The following GABBR2 variants were observed in gnomAD, a reference collection of about 807,000 sequenced individuals.
GABBR2 encodes G-protein coupled receptor 51.
GABBR2 carries 23 observed loss-of-function variants against 105.6 expected under a neutral mutation model. That is an observed-to-expected ratio of 0.22 (90% CI 0.16 to 0.31). The LOEUF (loss-of-function observed/expected upper bound fraction) is 0.31, where lower values mean the gene tolerates loss of function less well. Among genes scored for constraint, GABBR2 ranks in the 10% least tolerant of loss-of-function variants. GABBR2 has a pLI of 1.00. For missense variants in GABBR2, 734 were observed against 1,245.5 expected (o/e 0.59, Z 6.18); for synonymous variants, 478 against 499.7 (o/e 0.96, Z 0.58).
At chr9:98,395,721 A>T (rs1045901049) in intron 8 of GABBR2, among the ~76,000 whole-genome samples, 2 of 152,086 alleles carry the variant, frequency 1.3e-5, no homozygotes, top group African/African-American at 4.8e-5. Context: ...GGGTCTGAGG[A>T]TCTGGCATCT....
chr9:98,397,742 A>C (rs1832319970), intron 8 of GABBR2, among the ~76,000 whole-genome samples: 1 of 152,020 alleles, frequency 6.6e-6, no homozygotes, highest in Non-Finnish European at 1.5e-5. Context: ...TTCCCTGAGT[A>C]CTGTTCCTCC....
At chr9:98,678,874 T>C (rs1320743696) in intron 1 of GABBR2, among the ~76,000 whole-genome samples, 2 of 152,224 alleles carry the variant, frequency 1.3e-5, no homozygotes, top group Non-Finnish European at 2.9e-5. Context: ...CTGTCTATGA[T>C]GGTCTTAAGG....
chr9:98,637,109 T>G (rs1308726395), intron 1 of GABBR2, among the ~76,000 whole-genome samples: 1 of 152,190 alleles, frequency 6.6e-6, no homozygotes, highest in Non-Finnish European at 1.5e-5. Flanking sequence ...TTTCATCTGA[T>G]ATCGAACTGA....
At chr9:98,600,523 A>G (rs1317329512) in intron 1 of GABBR2, among the ~76,000 whole-genome samples, 2 of 152,226 alleles carry the variant, frequency 1.3e-5, no homozygotes, top group Non-Finnish European at 2.9e-5. Flanking sequence ...GGGGCTCTAG[A>G]TTCTGACTCT....
chr9:98,480,151 G>T (rs1159800306), intron 5 of GABBR2, among the ~76,000 whole-genome samples: 1 of 152,070 alleles, frequency 6.6e-6, no homozygotes, highest in Non-Finnish European at 1.5e-5. Flanking sequence ...GAAGCTTATT[G>T]GGCAGACAGT....
chr9:98,442,064 T>C (rs60737529), intron 7 of GABBR2, among the ~76,000 whole-genome samples: 16 of 152,204 alleles, frequency 1.1e-4, no homozygotes. Context: ...ATTTTTATAA[T>C]CCAAAATAAA....
At chr9:98,484,529 A>G (rs1395374210) in intron 4 of GABBR2, among the ~76,000 whole-genome samples, 3 of 152,092 alleles carry the variant, frequency 2.0e-5, no homozygotes, top group Non-Finnish European at 4.4e-5. Flanking sequence ...AGGAAGGAGG[A>G]GCAGCCCGGA....
intron 1 of GABBR2, among the ~76,000 whole-genome samples, chr9:98,666,967 G>T (rs2131857865): frequency 6.6e-6 from 1 of 152,268 alleles, no homozygotes; most frequent in Non-Finnish European, 1.5e-5. Context: ...TGGTGCCCAG[G>T]TGATCCACTG....
intron 13 of GABBR2, among the ~76,000 whole-genome samples, chr9:98,329,805 A>G (rs1830990824): frequency 6.6e-6 from 1 of 151,908 alleles, no homozygotes; most frequent in South Asian, 2.1e-4. Flanking sequence ...ACATTTTGCC[A>G]TATCTGCTCC....
intron 4 of GABBR2, among the ~76,000 whole-genome samples, chr9:98,486,512 C>G (rs935272611): frequency 6.6e-6 from 1 of 152,158 alleles, no homozygotes; most frequent in Non-Finnish European, 1.5e-5. Context: ...AGGTCAAGCT[C>G]GACCCTGAGC....
chr9:98,612,099 C>G (rs886422845), intron 1 of GABBR2, among the ~76,000 whole-genome samples: 2 of 152,240 alleles, frequency 1.3e-5, no homozygotes, highest in Admixed American at 1.3e-4. Context: ...GAGAGGACAG[C>G]CAATTATATC....
chr9:98,612,314 C>T (rs992952814), intron 1 of GABBR2, among the ~76,000 whole-genome samples: 3 of 152,128 alleles, frequency 2.0e-5, no homozygotes, highest in South Asian at 4.1e-4. Flanking sequence ...TGGAGAATAA[C>T]GGCATTTTTT....
intron 8 of GABBR2, among the ~76,000 whole-genome samples, chr9:98,398,331 C>T (rs1386144145): frequency 3.3e-5 from 5 of 151,006 alleles, no homozygotes; most frequent in African/African-American, 1.2e-4. Context: ...GACCCACCCC[C>T]CAAACTCAGG....
chr9:98,464,560 G>A (rs1826505621), intron 6 of GABBR2, among the ~76,000 whole-genome samples: 6 of 152,074 alleles, frequency 3.9e-5, no homozygotes, highest in Admixed American at 3.9e-4. Context: ...CCCTGTCTGG[G>A]AAGTGAGGAG....
At chr9:98,400,908 A>G (rs1832383275) in intron 8 of GABBR2, among the ~76,000 whole-genome samples, 1 of 144,826 alleles carries the variant, frequency 6.9e-6, no homozygotes, top group Non-Finnish European at 1.5e-5. Flanking sequence ...GGAGGGAAAT[A>G]AGGGGGATAA....
At chr9:98,401,859 C>T (rs902999119) in intron 8 of GABBR2, among the ~76,000 whole-genome samples, 2 of 152,294 alleles carry the variant, frequency 1.3e-5, no homozygotes, top group Middle Eastern at 6.8e-3. Context: ...GGGACTGTAT[C>T]TTATTCAACT....
At chr9:98,648,116 T>TGTGTGTGTGTGTGTGTGTATAGAGAG in intron 1 of GABBR2, among the ~76,000 whole-genome samples, 1 of 55,948 alleles carries the variant, frequency 1.8e-5, no homozygotes, top group Non-Finnish European at 3.4e-5. Context: ...TGTGTGTGTG[T>TGTGTGTGTGTGTGTGTGTATAGAGAG]ATAGATAGAT....
At chr9:98,469,914 C>G (rs573768146) in intron 6 of GABBR2, among the ~76,000 whole-genome samples, 1 of 152,292 alleles carries the variant, frequency 6.6e-6, no homozygotes, top group South Asian at 2.1e-4. Context: ...CCATGCTGAC[C>G]GTGGCCCCAA....
chr9:98,373,686 T>G (rs1831823951), intron 11 of GABBR2, among the ~76,000 whole-genome samples: 1 of 152,212 alleles, frequency 6.6e-6, no homozygotes, highest in African/African-American at 2.4e-5. Context: ...TACAGCATTT[T>G]TGATAACATT....
Sources: allele counts gnomAD v4.1 joint callset (sites outside exome capture counted in the v4.1 genomes callset), GRCh38; gene constraint gnomAD v4.1.1; transcripts MANE v1.5; gene names NCBI Gene and HGNC (gene_info 2026-07-23, HGNC 2026-07-21).